Variants in RANBP17 observed in about 807,000 individuals in gnomAD.
RANBP17 encodes ran-binding protein 17.
In RANBP17, 158 loss-of-function variants were observed where a neutral mutation model predicts 141.2. That is an observed-to-expected ratio of 1.12 (90% CI 0.98 to 1.28). RANBP17 has a LOEUF of 1.28. RANBP17 is among the 50% of genes most tolerant of loss of function. The pLI is 0.00. For synonymous variants in RANBP17, 430 were observed against 450.0 expected (o/e 0.96, Z 0.56); for missense variants, 1,438 against 1,290.7 (o/e 1.11, Z -1.75).
chr5:171,097,608 T>TTTATTATTA lies in RANBP17; in HGVS notation c.1711-72484_1711-72476dup, dbSNP rs35948377. Among the ~76,000 whole-genome samples, 433 of 141,384 alleles carry TTTATTATTA rather than the reference T, an allele frequency of 3.1e-3. 4 individuals carry two copies. The highest frequency in any genetic ancestry group is 0.011 in the Middle Eastern group (3 of 272). 92.8% of individuals were successfully genotyped at this position (141,384 alleles called of 152,430 possible). On this transcript the variant is annotated intron_variant, in intron 14 of 27. Transcript: ENST00000523189. ...AAAACCTTAACCTGTATGTAGTCTT[T>TTTATTATTA]TTATTATTATTATTATTATTATTAT...
At chr5:170,931,648 C>T (rs577554643) in intron 12 of RANBP17, among the ~76,000 whole-genome samples, 1 of 152,224 alleles carries the variant, frequency 6.6e-6, no homozygotes, top group East Asian at 1.9e-4. Flanking sequence ...TTCCCAGCAC[C>T]GTTTATTAAG....
intron 12 of RANBP17, among the ~76,000 whole-genome samples, chr5:170,936,823 T>C (rs1327401278): frequency 6.6e-6 from 1 of 152,226 alleles, no homozygotes; most frequent in Non-Finnish European, 1.5e-5. Flanking sequence ...TCTCCAGTTA[T>C]GATTGTGGAA....
chr5:171,005,170 A>G (rs1779505784), intron 14 of RANBP17, among the ~76,000 whole-genome samples: 1 of 152,172 alleles, frequency 6.6e-6, no homozygotes, highest in Non-Finnish European at 1.5e-5. Flanking sequence ...CATACTGCCC[A>G]AGGTAATTTA....
At chr5:171,110,513 G>A (rs1295414256) in intron 14 of RANBP17, among the ~76,000 whole-genome samples, 2 of 151,918 alleles carry the variant, frequency 1.3e-5, no homozygotes, top group African/African-American at 4.8e-5. Context: ...AGCTTTATAG[G>A]GGAGGCAAAA....
intron 14 of RANBP17, among the ~76,000 whole-genome samples, chr5:171,059,139 T>C (rs245753): frequency 0.61 from 91,402 of 150,672 alleles, 28,948 homozygotes; most frequent in South Asian, 0.87. Context: ...TGGTAGTTTC[T>C]TTCACTGTGC....
intron 14 of RANBP17, among the ~76,000 whole-genome samples, chr5:171,079,353 C>A (rs1023882008): frequency 6.6e-6 from 1 of 152,102 alleles, no homozygotes; most frequent in African/African-American, 2.4e-5. Context: ...ATGCCGTGAA[C>A]GTTGTTGAAA....
At position 170,892,671 on chromosome 5, in the gene RANBP17, A is replaced by G. The variant is rs139889860; in HGVS notation, c.423+118A>G. The G allele has an allele frequency of 5.1e-5, 35 of 685,746 alleles. 1 individual carries two copies. The African/African-American group carries it at 5.5e-4, about 11-fold the overall frequency. 42.5% of individuals were successfully genotyped at this position (685,746 alleles called of 1,614,324 possible). A position where few individuals can be genotyped will look rare whatever the true frequency, so the allele number is the denominator to read the frequency against. ...GACTACCAGTACCATGTTAATTATG[A>G]TTTATTATTTATCCTCTGGATCCTT... is the stretch of plus-strand genomic sequence containing the variant. On this transcript the variant is annotated intron_variant, in intron 4 of 27. Transcript: ENST00000523189.
intron 22 of RANBP17, among the ~76,000 whole-genome samples, chr5:171,223,641 A>G (rs925047001): frequency 2.6e-5 from 4 of 152,228 alleles, no homozygotes; most frequent in Non-Finnish European, 5.9e-5. Flanking sequence ...GTCTCAAAAA[A>G]TAAAATAAAA....
intron 1 of RANBP17, among the ~76,000 whole-genome samples, chr5:170,863,927 T>G (rs1342803910): frequency 6.6e-6 from 1 of 152,204 alleles, no homozygotes; most frequent in African/African-American, 2.4e-5. Context: ...TCAGACAGTT[T>G]TGTTGACTAG....
intron 22 of RANBP17, among the ~76,000 whole-genome samples, chr5:171,231,061 T>G (rs1418334362): frequency 6.6e-6 from 1 of 151,088 alleles, no homozygotes; most frequent in Non-Finnish European, 1.5e-5. Flanking sequence ...CTCAACTTCC[T>G]GAGTAGCTGG....
intron 25 of RANBP17, among the ~76,000 whole-genome samples, chr5:171,279,246 G>A (rs1288663259): frequency 1.3e-5 from 2 of 152,148 alleles, no homozygotes; most frequent in Non-Finnish European, 2.9e-5. Context: ...GCATTGCCTT[G>A]CAGTGGCCAA....
At chr5:171,059,326 G>A (rs917903287) in intron 14 of RANBP17, among the ~76,000 whole-genome samples, 5 of 152,140 alleles carry the variant, frequency 3.3e-5, no homozygotes, top group African/African-American at 4.8e-5. Context: ...AATCCATCTT[G>A]AATTAATTTT....
At chr5:170,913,153 T>G (rs1771668115) in intron 7 of RANBP17, among the ~76,000 whole-genome samples, 1 of 151,970 alleles carries the variant, frequency 6.6e-6, no homozygotes, top group African/African-American at 2.4e-5. Context: ...ATGCGAGTCC[T>G]TCCAAAATTT....
intron 22 of RANBP17, among the ~76,000 whole-genome samples, chr5:171,237,848 A>G (rs1764634620): frequency 6.6e-6 from 1 of 152,182 alleles, no homozygotes; most frequent in Non-Finnish European, 1.5e-5. Flanking sequence ...ACAAGGAGGG[A>G]TATCATACCT....
At chr5:171,289,143 C>T (rs764208113) in intron 25 of RANBP17, among the ~76,000 whole-genome samples, 29 of 152,178 alleles carry the variant, frequency 1.9e-4, no homozygotes, top group Admixed American at 2.6e-4. Context: ...CTGATGTGTG[C>T]CAGTGCCTAA....
chr5:171,168,106 A>G (rs1759829507), intron 14 of RANBP17, among the ~76,000 whole-genome samples: 1 of 152,178 alleles, frequency 6.6e-6, no homozygotes, highest in Non-Finnish European at 1.5e-5. Context: ...AGAATAAGGC[A>G]TAGTGTCACC....
intron 1 of RANBP17, among the ~76,000 whole-genome samples, chr5:170,875,162 C>G (rs898566304): frequency 2.0e-5 from 3 of 152,188 alleles, no homozygotes; most frequent in Non-Finnish European, 2.9e-5. Context: ...GGCCCCCACT[C>G]TCTTCTGGCT....
intron 14 of RANBP17, among the ~76,000 whole-genome samples, chr5:171,122,901 C>T (rs1756146762): frequency 6.6e-6 from 1 of 152,190 alleles, no homozygotes; most frequent in Admixed American, 6.5e-5. Context: ...GGCATCCTCC[C>T]ATGTCCACTC....
At chr5:170,873,455 C>G (rs556765202) in intron 1 of RANBP17, among the ~76,000 whole-genome samples, 1 of 152,092 alleles carries the variant, frequency 6.6e-6, no homozygotes, top group African/African-American at 2.4e-5. Context: ...TGGTAGAATT[C>G]GACTGTGAAT....
Sources: gnomAD v4.1 joint callset for allele counts (sites outside exome capture counted in the v4.1 genomes callset) on GRCh38, gnomAD v4.1.1 for gene constraint, MANE v1.5 for transcripts, NCBI Gene and HGNC (gene_info 2026-07-23, HGNC 2026-07-21) for gene names.